GPR171: variants seen among roughly 807,000 people sequenced by gnomAD.
GPR171 encodes the protein G protein-coupled receptor 171.
In GPR171, 14 loss-of-function variants were observed where a neutral mutation model predicts 16.7. The ratio of observed to expected loss-of-function variants is 0.84; its 90% CI spans 0.55 to 1.31. The LOEUF is 1.31. Ranked by LOEUF, GPR171 falls within the 40% of genes most tolerant of loss-of-function variation. The pLI is 0.00. For synonymous variants in GPR171, 134 were observed against 135.6 expected (o/e 0.99, Z 0.08); for missense variants, 337 against 378.9 (o/e 0.89, Z 0.92).
chr3:151,199,192 C>T lies in GPR171; in HGVS notation c.195G>A (p.Leu65=). The T allele has an allele frequency of 6.2e-7, 1 of 1,614,048 alleles. No homozygotes were observed. The highest frequency in any genetic ancestry group is 8.5e-7 in the Non-Finnish European group (1 of 1,179,960). The change falls in exon 3 of 3, where the codon CTG becomes CTA. Residue 65 remains leucine, a synonymous_variant. Transcript: ENST00000309180. ...CAACAACAATTTTCACTGGTAATGC[C>T]AGAGTAAGCAGGAAATCGGCTGTAA... is the stretch of plus-strand genomic sequence containing the variant. The part of the protein sequence containing the change: ...NLLTADFLLT[L]ALPVKIVVDL...
At chr3:151,201,221 A>T (rs1725526402) in intron 1 of GPR171, among the ~76,000 whole-genome samples, 1 of 148,994 alleles carries the variant, frequency 6.7e-6, no homozygotes, top group Admixed American at 6.6e-5. Flanking sequence ...CCACGTGCAC[A>T]CACTCTCTCT....
rs944488522 is a variant in GPR171, at chr3:151,203,122, A to T, written c.-161T>A. On this transcript the variant is annotated 5_prime_UTR_variant, in exon 1 of 3. Coordinates refer to ENST00000309180, the MANE Select transcript of GPR171 (RefSeq NM_013308.4). ...GACATACCTGGGGCTATCTTCTGTGAGCCTCAGCAAGCCTTGCTGCAAGTC... is the reference window on the plus strand; with the variant it reads ...GACATACCTGGGGCTATCTTCTGTGTGCCTCAGCAAGCCTTGCTGCAAGTC... The T allele has an allele frequency of 1.8e-4, 28 of 152,222 alleles. No individual in the cohort carries two copies. The highest frequency in any genetic ancestry group is 6.8e-4 in the African/African-American group (28 of 41,462). 9.4% of individuals were successfully genotyped at this position (152,222 alleles called of 1,614,324 possible). A position where few individuals can be genotyped will look rare whatever the true frequency, so the allele number is the denominator to read the frequency against.
At chr3:151,200,285 G>A (rs376533291) in intron 2 of GPR171, among the ~76,000 whole-genome samples, 1 of 152,034 alleles carries the variant, frequency 6.6e-6, no homozygotes, top group South Asian at 2.1e-4. Context: ...CCTTTGACCT[G>A]GTCTATTCAA....
chr3:151,199,071 C>G lies in GPR171; in HGVS notation c.316G>C (p.Ala106Pro), dbSNP rs755653141. 1 of 1,613,906 alleles carries G rather than the reference C, an allele frequency of 6.2e-7. No homozygotes were observed. Among genetic ancestry groups the G allele is most frequent in the East Asian group, 2.2e-5 (1 of 44,866 alleles). The change falls in exon 3 of 3, where the codon GCA becomes CCA. Residue 106 changes from alanine (A) to proline (P), a missense_variant. Physicochemically the swap from Ala to Pro is conservative, Grantham distance 27. Coordinates refer to ENST00000309180, the MANE Select transcript of GPR171 (RefSeq NM_013308.4). Reference protein sequence around the residue: ...INMYLSIIFLAFVSIDRCLQL... With the variant: ...INMYLSIIFLPFVSIDRCLQL... ...AGACAGCGGTCAATGCTGACAAATG[C>G]TAAGAAGATAATTGATAAATACATA...
intron 2 of GPR171, 55 bp from the exon 3 acceptor site, chr3:151,199,494 T>C (rs1297087712): frequency 9.4e-6 from 9 of 957,238 alleles, no homozygotes; most frequent in Admixed American, 2.5e-5. Context: ...AACTATTTTC[T>C]TTAAAAGACA....
chr3:151,198,514 T>C lies in GPR171; in HGVS notation c.873A>G (p.Ala291=), dbSNP rs1428722770. 3.1e-6 allele frequency: 5 copies of C among 1,613,962 alleles called. No individual in the cohort carries two copies. The highest frequency in any genetic ancestry group is 4.2e-6 in the Non-Finnish European group (5 of 1,179,836). The change falls in exon 3 of 3, where the codon GCA becomes GCG. Residue 291 remains alanine (A), a synonymous_variant. Transcript: ENST00000309180. The part of the protein sequence containing the change: ...DPILYYHLSK[A]FRSKVTETFA... ...AAGTCTCAGTGACCTTTGAGCGGAA[T>C]GCTTTTGAGAGGTGATAGTACAGGA...
chr3:151,199,497 A>G, intron 2 of GPR171, 58 bp from the exon 3 acceptor site: 9 of 931,630 alleles, frequency 9.7e-6, no homozygotes, highest in Admixed American at 2.5e-5. Context: ...TATTTTCTTT[A>G]AAAGACATTG....
chr3:151,199,310 A>G lies in GPR171; in HGVS notation c.77T>C (p.Leu26Pro), dbSNP rs143998423. ...PFTYFFYLVFLVGIIGSCFAT... is the reference protein window; with the variant it reads ...PFTYFFYLVFPVGIIGSCFAT... ...AAAACAACTTCCAATAATTCCAACAAGGAAAACTAAATAAAAAAAATACGT... is the reference window on the plus strand; with the variant it reads ...AAAACAACTTCCAATAATTCCAACAGGGAAAACTAAATAAAAAAAATACGT... The change falls in exon 3 of 3, where the codon CTT becomes CCT. Residue 26 changes from leucine to proline, a missense_variant. Physicochemically the swap from Leu to Pro is moderately conservative, Grantham distance 98. Transcript: ENST00000309180. 1.2e-6 allele frequency: 2 copies of G among 1,613,762 alleles called. No homozygotes were observed. The highest frequency in any genetic ancestry group is 1.3e-5 in the African/African-American group (1 of 74,908).
rs1320225048 is a variant in GPR171, at chr3:151,198,334, T to G, written c.*93A>C. ...CTAACTGTATTTTTTCATACTGAGT[T>G]TTTTTTTGTTTTTTTTTTTTTTATC... On this transcript the variant is annotated 3_prime_UTR_variant, in exon 3 of 3. Coordinates refer to ENST00000309180, the MANE Select transcript of GPR171 (RefSeq NM_013308.4). 1.0e-6 allele frequency: 1 copy of G among 970,132 alleles called. No individual in the cohort carries two copies. Among genetic ancestry groups the G allele is most frequent in the Non-Finnish European group, 1.4e-6 (1 of 704,708 alleles). The allele number at this position is 970,132 out of a possible 1,614,324, so 60.1% of individuals were successfully genotyped here.
At position 151,198,342 on chromosome 3, in the gene GPR171, G is replaced by GTTTTTTTTTT. The variant is rs11431846; in HGVS notation, c.*75_*84dup. The GTTTTTTTTTT allele has an allele frequency of 5.8e-6, 4 of 693,846 alleles. No homozygotes were observed. The highest frequency in any genetic ancestry group is 3.8e-5 in the African/African-American group (2 of 52,316). The allele number at this position is 693,846 out of a possible 1,614,324, so 43.0% of individuals were successfully genotyped here. On this transcript the variant is annotated 3_prime_UTR_variant, in exon 3 of 3. Coordinates refer to ENST00000309180, the MANE Select transcript of GPR171 (RefSeq NM_013308.4). ...ATTTTTTCATACTGAGTTTTTTTTT[G>GTTTTTTTTTT]TTTTTTTTTTTTTTATCTTTCAAAG...
Position 151,198,339 on chromosome 3 carries a change from TTTG to T in GPR171, c.*85_*87del. On this transcript the variant is annotated 3_prime_UTR_variant, in exon 3 of 3. Coordinates refer to ENST00000309180, the MANE Select transcript of GPR171 (RefSeq NM_013308.4). ...TGTATTTTTTCATACTGAGTTTTTT[TTTG>T]TTTTTTTTTTTTTTATCTTTCAAAG... 181 of 1,022,200 alleles carry T rather than the reference TTTG, an allele frequency of 1.8e-4. 2 individuals carry two copies. The highest frequency in any genetic ancestry group is 3.3e-4 in the Middle Eastern group (1 of 3,006). 63.3% of individuals were successfully genotyped at this position (1,022,200 alleles called of 1,614,324 possible). A position where few individuals can be genotyped will look rare whatever the true frequency, so the allele number is the denominator to read the frequency against.
Position 151,198,274 on chromosome 3 carries a change from C to T in GPR171, c.*153G>A, listed in dbSNP as rs1724950697. On this transcript the variant is annotated 3_prime_UTR_variant, in exon 3 of 3. Transcript: ENST00000309180. The stretch of plus-strand genomic sequence containing the variant: ...ATAAAGCTTGACTTGCATTTAGAAA[C>T]AGGATTTCTAAGTAAACCTGTCCAT... 1 of 553,592 alleles carries T rather than the reference C, an allele frequency of 1.8e-6. No homozygotes were observed. Among genetic ancestry groups the T allele is most frequent in the Non-Finnish European group, 3.0e-6 (1 of 334,126 alleles). The allele number at this position is 553,592 out of a possible 1,614,324, so 34.3% of individuals were successfully genotyped here.
chr3:151,199,182 C>T lies in GPR171; in HGVS notation c.205G>A (p.Val69Met), dbSNP rs1165702517. 11 of 1,614,044 alleles carry T rather than the reference C, an allele frequency of 6.8e-6. No individual in the cohort carries two copies. The highest frequency in any genetic ancestry group is 8.5e-6 in the Non-Finnish European group (10 of 1,180,014). ...ADFLLTLALP[V>M]KIVVDLGVAP... ...ACACCCAAGTCAACAACAATTTTCA[C>T]TGGTAATGCCAGAGTAAGCAGGAAA... is the stretch of plus-strand genomic sequence containing the variant. Residue 69 changes from valine (V) to methionine (M), a missense_variant, in exon 3 of 3, where the codon GTG (valine) becomes ATG (methionine). Coordinates refer to ENST00000309180, the MANE Select transcript of GPR171 (RefSeq NM_013308.4).
chr3:151,199,502 A>G, intron 2 of GPR171, 63 bp from the exon 3 acceptor site: 7 of 876,536 alleles, frequency 8.0e-6, no homozygotes, highest in Non-Finnish European at 1.2e-5. Flanking sequence ...TCTTTAAAAG[A>G]CATTGGTCTT....
At chr3:151,202,464 A>G (rs1725740999) in intron 1 of GPR171, among the ~76,000 whole-genome samples, 1 of 152,218 alleles carries the variant, frequency 6.6e-6, no homozygotes, top group South Asian at 2.1e-4. Flanking sequence ...TGAGGTCAAG[A>G]GTTCGAGACC....
rs748604949 is a variant in GPR171 at position 151,198,618 on chromosome 3, A to G, written c.769T>C (p.Cys257Arg). The change falls in exon 3 of 3, where the codon TGC (cysteine) becomes CGC (arginine). Residue 257 changes from cysteine to arginine, a missense_variant. Cys to Arg is a radical substitution (Grantham distance 180). Coordinates refer to ENST00000309180, the MANE Select transcript of GPR171 (RefSeq NM_013308.4). Reference protein sequence around the residue: ...TLSQTEVITDCSTRISLFKAK... With the variant: ...TLSQTEVITDRSTRISLFKAK... ...TTGAAGAGTGAAATCCTGGTTGAGCAATCAGTTATGACTTCTGTCTGGCTG... is the reference window on the plus strand; with the variant it reads ...TTGAAGAGTGAAATCCTGGTTGAGCGATCAGTTATGACTTCTGTCTGGCTG... 6.2e-7 allele frequency: 1 copy of G among 1,614,032 alleles called. No individual in the cohort carries two copies. Among genetic ancestry groups the G allele is most frequent in the South Asian group, 1.1e-5 (1 of 91,078 alleles).
chr3:151,199,247 C>T lies in GPR171; in HGVS notation c.140G>A (p.Arg47Lys). The change falls in exon 3 of 3, where the codon AGG becomes AAG. Residue 47 changes from arginine to lysine, a missense_variant. Physicochemically the swap from Arg to Lys is conservative, Grantham distance 26 (BLOSUM62 2). Transcript: ENST00000309180. ...ATTAATTAAGTAGATGCTCACACAC[C>T]TGTGATTCGTATTCTTCTGTATAAA... is the stretch of plus-strand genomic sequence containing the variant. Reference protein sequence around the residue: ...WAFIQKNTNHRCVSIYLINLL... With the variant: ...WAFIQKNTNHKCVSIYLINLL... 6.2e-7 allele frequency: 1 copy of T among 1,613,976 alleles called. No individual in the cohort carries two copies.
In GPR171 at chr3:151,198,550, G is replaced by A. The variant is rs1725024017; in HGVS notation, c.837C>T (p.Cys279=). 3 of 1,614,060 alleles carry A rather than the reference G, an allele frequency of 1.9e-6. No individual in the cohort carries two copies. The highest frequency in any genetic ancestry group is 1.7e-5 in the Admixed American group (1 of 60,024). The stretch of plus-strand genomic sequence containing the variant: ...GGTGATAGTACAGGATAGGATCAAA[G>A]CACAGGTTCGACACAGCCAGGAGCA... ...ATLLLAVSNL[C]FDPILYYHLS... is the part of the protein sequence containing the mutation. The change falls in exon 3 of 3, where the codon TGC becomes TGT. Residue 279 remains cysteine (C), a synonymous_variant. Coordinates refer to ENST00000309180, the MANE Select transcript of GPR171 (RefSeq NM_013308.4).
chr3:151,198,975 C>T lies in GPR171; in HGVS notation c.412G>A (p.Val138Met). ...PGFAKMISTV[V>M]WLMVLLIMVP... is the part of the protein sequence containing the mutation. ...ATTATAAGAAGGACCATTAGCCACA[C>T]AACGGTTGATATCATTTTGGCAAAT... is the stretch of plus-strand genomic sequence containing the variant. The change falls in exon 3 of 3, where the codon GTG becomes ATG. Residue 138 changes from valine to methionine, a missense_variant. Transcript: ENST00000309180. 1 of 1,614,006 alleles carries T rather than the reference C, an allele frequency of 6.2e-7. No homozygotes were observed. Among genetic ancestry groups the T allele is most frequent in the Admixed American group, 1.7e-5 (1 of 60,030 alleles).
Sources: gnomAD v4.1 joint callset for allele counts (sites outside exome capture counted in the v4.1 genomes callset) on GRCh38, gnomAD v4.1.1 for gene constraint, MANE v1.5 for transcripts, NCBI Gene and HGNC (gene_info 2026-07-23, HGNC 2026-07-21) for gene names.